ANAPC10: variants seen among roughly 807,000 people sequenced by gnomAD.
ANAPC10 encodes the protein anaphase promoting complex subunit 10, also known as anaphase-promoting complex subunit 10.
In ANAPC10, 12 loss-of-function variants were observed where a neutral mutation model predicts 22.0. That is an observed-to-expected ratio of 0.55 (90% CI 0.35 to 0.88). The LOEUF (loss-of-function observed/expected upper bound fraction) is 0.88. Ranked by LOEUF, ANAPC10 falls within the 40% of genes least tolerant of loss-of-function variation. The pLI, the probability that ANAPC10 is intolerant of heterozygous loss-of-function variation, is 0.01. For synonymous variants in ANAPC10, 65 were observed against 69.5 expected (o/e 0.94, Z 0.32); for missense variants, 188 against 220.9 (o/e 0.85, Z 0.94).
At chr4:145,018,085 T>C (rs989852402) in intron 4 of ANAPC10, among the ~76,000 whole-genome samples, 6 of 151,192 alleles carry the variant, frequency 4.0e-5, no homozygotes, top group African/African-American at 1.5e-4. Context: ...ACCTGCACGT[T>C]GTGCACATGT....
chr4:145,016,295 C>T (rs901372183), intron 4 of ANAPC10, among the ~76,000 whole-genome samples: 23 of 152,110 alleles, frequency 1.5e-4, no homozygotes, highest in African/African-American at 5.6e-4. Flanking sequence ...AATCAATGTG[C>T]AAAAATCACA....
chr4:145,022,525 G>A (rs961253734), intron 4 of ANAPC10, among the ~76,000 whole-genome samples: 1 of 151,994 alleles, frequency 6.6e-6, no homozygotes, highest in South Asian at 2.1e-4. Flanking sequence ...AAAGTGGGGG[G>A]TGAGGAATAC....
rs34905019 is a variant in ANAPC10 at position 145,057,189 on chromosome 4, T to C, written c.327+7383A>G. Among the ~76,000 whole-genome samples the C allele has an allele frequency of 5.3e-5, 8 of 152,338 alleles. 1 individual carries two copies. In the East Asian group the frequency reaches 1.5e-3, roughly 29 times the overall value. ...TTATAATAAGAAAAGATAGAATTCCTGCTATTAAATCATTTCATTAGTCCC... is the reference window on the plus strand; with the variant it reads ...TTATAATAAGAAAAGATAGAATTCCCGCTATTAAATCATTTCATTAGTCCC... On this transcript the variant is annotated intron_variant, in intron 4 of 4. Transcript: ENST00000507656.
intron 4 of ANAPC10, among the ~76,000 whole-genome samples, chr4:145,045,245 C>G (rs1202081130): frequency 1.3e-5 from 2 of 152,034 alleles, no homozygotes; most frequent in Admixed American, 1.3e-4. Flanking sequence ...AAGTACTTTG[C>G]AAACTTTATC....
rs1184005412 is a variant in ANAPC10, at chr4:145,081,876, T to A, written c.116-126A>T. The stretch of plus-strand genomic sequence containing the variant: ...ACAGAAAGGTCAGAAATATTAATTT[T>A]TTTTTATTTATTTTTTGTAGACAGG... On this transcript the variant is annotated intron_variant, in intron 2 of 4. Coordinates refer to ENST00000507656, the MANE Select transcript of ANAPC10 (RefSeq NM_001256706.2). 1.5e-5 allele frequency: 11 copies of A among 733,890 alleles called. No individual in the cohort carries two copies. In the East Asian group the frequency reaches 2.9e-4, roughly 19 times the overall value. 45.5% of individuals were successfully genotyped at this position (733,890 alleles called of 1,614,324 possible).
intron 2 of ANAPC10, among the ~76,000 whole-genome samples, chr4:145,086,668 C>A (rs1156818301): frequency 6.6e-6 from 1 of 151,996 alleles, no homozygotes. Context: ...ATTCTTTGTT[C>A]AGTACAGGGG....
intron 4 of ANAPC10, among the ~76,000 whole-genome samples, chr4:145,015,885 CT>C (rs1735042930): frequency 6.6e-6 from 1 of 152,090 alleles, no homozygotes; most frequent in Non-Finnish European, 1.5e-5. Flanking sequence ...CAAACAAGTG[CT>C]GACAAAATTC....
chr4:145,021,095 T>C (rs770072446), intron 4 of ANAPC10, among the ~76,000 whole-genome samples: 1 of 151,664 alleles, frequency 6.6e-6, no homozygotes, highest in African/African-American at 2.4e-5. Context: ...AAAATGACCA[T>C]ACCACCAAAA....
intron 3 of ANAPC10, among the ~76,000 whole-genome samples, chr4:145,077,959 G>A (rs1745425557): frequency 6.6e-6 from 1 of 152,014 alleles, no homozygotes; most frequent in African/African-American, 2.4e-5. Context: ...TTAAGAACCA[G>A]AACAAGACAA....
intron 4 of ANAPC10, among the ~76,000 whole-genome samples, chr4:145,012,183 T>TA (rs1251937140): frequency 6.9e-6 from 1 of 144,090 alleles, no homozygotes; most frequent in African/African-American, 2.5e-5. Flanking sequence ...TGTGTATATA[T>TA]ATATATATAT....
At chr4:145,018,244 G>A (rs1735491333) in intron 4 of ANAPC10, among the ~76,000 whole-genome samples, 1 of 151,960 alleles carries the variant, frequency 6.6e-6, no homozygotes, top group Non-Finnish European at 1.5e-5. Context: ...CAAATAGCAT[G>A]ATGAATGGAA....
chr4:145,047,931 G>T (rs1411129407), intron 4 of ANAPC10, among the ~76,000 whole-genome samples: 1 of 152,000 alleles, frequency 6.6e-6, no homozygotes, highest in Non-Finnish European at 1.5e-5. Context: ...AAAGTACCTT[G>T]CTTATCATAT....
At chr4:145,037,106 C>T (rs1738697208) in intron 4 of ANAPC10, among the ~76,000 whole-genome samples, 1 of 151,366 alleles carries the variant, frequency 6.6e-6, no homozygotes, top group Non-Finnish European at 1.5e-5. Flanking sequence ...AAGGACCCAA[C>T]AGAAACTCCA....
chr4:145,044,016 A>G (rs1739909361), intron 4 of ANAPC10, among the ~76,000 whole-genome samples: 1 of 152,130 alleles, frequency 6.6e-6, no homozygotes, highest in Non-Finnish European at 1.5e-5. Context: ...AATTTGTTAG[A>G]AAGTAAATGT....
At chr4:145,074,074 C>T (rs1318458321) in intron 3 of ANAPC10, among the ~76,000 whole-genome samples, 2 of 151,642 alleles carry the variant, frequency 1.3e-5, no homozygotes, top group South Asian at 2.1e-4. Flanking sequence ...AAATTATTAA[C>T]GAATTTTGAA....
At chr4:145,085,635 G>T (rs900145301) in intron 2 of ANAPC10, among the ~76,000 whole-genome samples, 2 of 151,940 alleles carry the variant, frequency 1.3e-5, no homozygotes, top group Non-Finnish European at 1.5e-5. Context: ...TTTAAAATTT[G>T]TCTCTAATTT....
chr4:145,023,945 T>C lies in ANAPC10; in HGVS notation c.328-28342A>G, dbSNP rs531799658. The stretch of plus-strand genomic sequence containing the variant: ...AAGGCAAAACTTTCAAAATTGGAGT[T>C]GGTCCTTTCAGACCCTGCCATTACT... On this transcript the variant is annotated intron_variant, in intron 4 of 4. Transcript: ENST00000507656. Among the ~76,000 whole-genome samples the C allele has an allele frequency of 3.9e-5, 6 of 152,352 alleles. No individual in the cohort carries two copies. In the South Asian group the frequency reaches 1.2e-3, roughly 32 times the overall value.
intron 4 of ANAPC10, among the ~76,000 whole-genome samples, chr4:145,061,205 A>G (rs764916437): frequency 6.6e-6 from 1 of 152,132 alleles, no homozygotes; most frequent in Non-Finnish European, 1.5e-5. Context: ...CTCTTTTTCT[A>G]TATGGCTAAT....
intron 3 of ANAPC10, among the ~76,000 whole-genome samples, chr4:145,068,488 G>A (rs1405777029): frequency 6.6e-6 from 1 of 152,086 alleles, no homozygotes; most frequent in Non-Finnish European, 1.5e-5. Context: ...TTTTAAAATC[G>A]TTCTTCTTAA....
Sources: allele counts gnomAD v4.1 joint callset (sites outside exome capture counted in the v4.1 genomes callset), GRCh38; gene constraint gnomAD v4.1.1; transcripts MANE v1.5; gene names NCBI Gene and HGNC (gene_info 2026-07-23, HGNC 2026-07-21).